Variants in ABCD3 observed in about 807,000 individuals in gnomAD.
The protein encoded by ABCD3 is ATP-binding cassette sub-family D member 3.
ABCD3 carries 41 observed loss-of-function variants against 105.5 expected under a neutral mutation model. The ratio of observed to expected loss-of-function variants is 0.39; its 90% CI spans 0.30 to 0.50. The LOEUF is 0.50. ABCD3 is among the 20% of genes least tolerant of loss of function. ABCD3 has a pLI of 0.84. For synonymous variants in ABCD3, 258 were observed against 269.0 expected (o/e 0.96, Z 0.40); for missense variants, 622 against 806.3 (o/e 0.77, Z 2.77).
At position 94,458,726 on chromosome 1, in the gene ABCD3, A is replaced by G. The variant is rs556812675; in HGVS notation, c.147+83A>G. Reference sequence around the variant, plus strand: ...TCATATGATTCTGATTTAGGATTAAATTTTATAATTAGTAGGGAACTTAAA... The same window carrying G: ...TCATATGATTCTGATTTAGGATTAAGTTTTATAATTAGTAGGGAACTTAAA... On this transcript the variant is annotated intron_variant, in intron 2 of 22. Transcript: ENST00000370214. The G allele has an allele frequency of 4.2e-5, 58 of 1,385,332 alleles. No homozygotes were observed. In the African/African-American group the frequency reaches 7.5e-4, roughly 18 times the overall value. 85.8% of individuals were successfully genotyped at this position (1,385,332 alleles called of 1,614,324 possible). A position where few individuals can be genotyped will look rare whatever the true frequency, so the allele number is the denominator to read the frequency against.
intron 10 of ABCD3, among the ~76,000 whole-genome samples, chr1:94,485,325 C>G (rs1312952875): frequency 6.6e-6 from 1 of 152,002 alleles, no homozygotes; most frequent in Non-Finnish European, 1.5e-5. Flanking sequence ...TAAAATCTTG[C>G]CTTTAAGGAG....
intron 20 of ABCD3, among the ~76,000 whole-genome samples, chr1:94,502,163 C>G (rs1246392717): frequency 6.6e-6 from 1 of 152,182 alleles, no homozygotes; most frequent in Non-Finnish European, 1.5e-5. Context: ...CTTCTCTAAC[C>G]GCTCTTCTGA....
chr1:94,472,454 GT>G (rs4148072), intron 4 of ABCD3, among the ~76,000 whole-genome samples: 105,791 of 143,772 alleles, frequency 0.74, 38,785 homozygotes, highest in Admixed American at 0.82. Flanking sequence ...TGTAGTTAGC[GT>G]TTTTTTTTTT....
chr1:94,407,128 G>A, the ABCD3 span, among the ~76,000 whole-genome samples: 330 of 152,154 alleles, frequency 2.2e-3, 1 homozygote, highest in African/African-American at 7.8e-3. Context: ...CTGACATACT[G>A]ATGATATTGA....
intron 4 of ABCD3, among the ~76,000 whole-genome samples, chr1:94,469,362 A>G (rs1277359544): frequency 6.6e-6 from 1 of 151,978 alleles, no homozygotes; most frequent in Admixed American, 6.6e-5. Flanking sequence ...GTTAAATCAC[A>G]ATTTATTGTT....
chr1:94,420,630 G>A (rs979772494), intron 1 of ABCD3, among the ~76,000 whole-genome samples: 2 of 152,092 alleles, frequency 1.3e-5, no homozygotes, highest in African/African-American at 4.8e-5. Context: ...AATTGTTGAG[G>A]TGAAATGATT....
intron 2 of ABCD3, among the ~76,000 whole-genome samples, chr1:94,464,167 A>T (rs1236391349): frequency 6.6e-6 from 1 of 152,106 alleles, no homozygotes; most frequent in Non-Finnish European, 1.5e-5. Context: ...TTCTCCCGCT[A>T]GAATGTGAGC....
chr1:94,495,837 C>T (rs1341392072), intron 16 of ABCD3, among the ~76,000 whole-genome samples: 6 of 152,148 alleles, frequency 3.9e-5, no homozygotes, highest in Non-Finnish European at 8.8e-5. Flanking sequence ...CTTCTAAGGG[C>T]ATCGCTGTTA....
At chr1:94,425,810 C>T (rs929922470) in intron 1 of ABCD3, among the ~76,000 whole-genome samples, 2 of 152,096 alleles carry the variant, frequency 1.3e-5, no homozygotes, top group South Asian at 2.1e-4. Context: ...TTTTTTTGTG[C>T]AGCTACTTGA....
upstream of ABCD3, among the ~76,000 whole-genome samples, chr1:94,415,803 T>C (rs1658990873): frequency 6.6e-6 from 1 of 152,256 alleles, no homozygotes; most frequent in African/African-American, 2.4e-5. Context: ...ATTTAGATTT[T>C]ACCTAAACTC....
At chr1:94,420,571 AT>A (rs1345880770) in intron 1 of ABCD3, among the ~76,000 whole-genome samples, 2 of 152,166 alleles carry the variant, frequency 1.3e-5, no homozygotes, top group Non-Finnish European at 2.9e-5. Context: ...TTTACACAGT[AT>A]TTTGTTGGAG....
chr1:94,447,328 GT>G (rs778002526), intron 1 of ABCD3, among the ~76,000 whole-genome samples: 1 of 152,170 alleles, frequency 6.6e-6, no homozygotes, highest in African/African-American at 2.4e-5. Flanking sequence ...CATTAATTCA[GT>G]TATACAACCT....
chr1:94,483,601 T>C (rs1355877925), intron 10 of ABCD3, among the ~76,000 whole-genome samples: 2 of 152,168 alleles, frequency 1.3e-5, no homozygotes, highest in Non-Finnish European at 2.9e-5. Context: ...TGTAGAAAGC[T>C]GAAACTGGAT....
At chr1:94,480,895 A>G (rs1016152513) in intron 9 of ABCD3, among the ~76,000 whole-genome samples, 24 of 152,196 alleles carry the variant, frequency 1.6e-4, no homozygotes, top group African/African-American at 5.8e-4. Context: ...TTCAAATTTC[A>G]ACTTACAATA....
At chr1:94,454,584 G>A (rs1244421418) in intron 1 of ABCD3, among the ~76,000 whole-genome samples, 1 of 152,164 alleles carries the variant, frequency 6.6e-6, no homozygotes, top group Non-Finnish European at 1.5e-5. Context: ...GTCTAGGATA[G>A]TATCTCTTTG....
chr1:94,487,254 G>A (rs982290199), intron 10 of ABCD3, among the ~76,000 whole-genome samples: 1 of 152,154 alleles, frequency 6.6e-6, no homozygotes, highest in Non-Finnish European at 1.5e-5. Flanking sequence ...GACTACAATA[G>A]CATTGTGCTA....
intron 1 of ABCD3, among the ~76,000 whole-genome samples, chr1:94,426,547 AT>A (rs552328622): frequency 2.7e-3 from 392 of 142,908 alleles, no homozygotes; most frequent in Non-Finnish European, 4.3e-3. Context: ...GATGTGTTTG[AT>A]TTTTTTTTTT....
chr1:94,432,746 A>T (rs1341263438), intron 1 of ABCD3: 1 of 152,254 alleles, frequency 6.6e-6, no homozygotes, highest in East Asian at 1.9e-4. Flanking sequence ...AAAAGGTTTT[A>T]TATTAAATTA....
chr1:94,401,542 TGA>T, the ABCD3 span, among the ~76,000 whole-genome samples: 1 of 152,258 alleles, frequency 6.6e-6, no homozygotes, highest in African/African-American at 2.4e-5. Context: ...GAAGGTTGCT[TGA>T]GAGACATTTG....
Sources: allele counts gnomAD v4.1 joint callset (sites outside exome capture counted in the v4.1 genomes callset), GRCh38; gene constraint gnomAD v4.1.1; transcripts MANE v1.5; gene names NCBI Gene and HGNC (gene_info 2026-07-23, HGNC 2026-07-21).